DLGAP1: variants seen among roughly 807,000 people sequenced by gnomAD.
DLGAP1 encodes DLG associated protein 1.
A neutral mutation model predicts 90.8 loss-of-function variants in DLGAP1; 11 were observed. The observed-to-expected ratio is 0.12, with a 90% CI of 0.08 to 0.20. The LOEUF is 0.20. DLGAP1 is among the 10% of genes least tolerant of loss of function. The probability of loss-of-function intolerance (pLI) is 1.00; values close to 1 mark genes in which losing one functional copy is unlikely to be tolerated. For synonymous variants in DLGAP1, 558 were observed against 540.7 expected (o/e 1.03, Z -0.44); for missense variants, 1,050 against 1,333.8 (o/e 0.79, Z 3.31).
chr18:3,805,792 A>C (rs2066533801), intron 5 of DLGAP1, among the ~76,000 whole-genome samples: 1 of 152,228 alleles, frequency 6.6e-6, no homozygotes, highest in Non-Finnish European at 1.5e-5. Flanking sequence ...GTCTCAGAGG[A>C]ATATAACTCA....
intron 3 of DLGAP1, among the ~76,000 whole-genome samples, chr18:3,908,140 C>A (rs1233356816): frequency 6.6e-6 from 1 of 152,140 alleles, no homozygotes; most frequent in East Asian, 1.9e-4. Flanking sequence ...TCATTCAGTG[C>A]CAATGTTCTA....
intron 1 of DLGAP1, among the ~76,000 whole-genome samples, chr18:4,209,471 T>G (rs2077795519): frequency 6.6e-6 from 1 of 152,234 alleles, no homozygotes; most frequent in Non-Finnish European, 1.5e-5. Context: ...CTCATTTTAA[T>G]AAGTCTTTCA....
At chr18:4,343,294 A>G (rs1349750910) in intron 1 of DLGAP1, among the ~76,000 whole-genome samples, 7 of 147,414 alleles carry the variant, frequency 4.7e-5, no homozygotes, top group African/African-American at 5.0e-5. Flanking sequence ...GCGACAGAGC[A>G]ACACTCCTTC....
rs886675607 is a variant in DLGAP1 at position 3,526,965 on chromosome 18, T to G, written c.2479+7229A>C. ...GGAAACCTCACTCACTGCAGTTTCA[T>G]TATTTTATTATCAAGCCAAAAAAAA... On this transcript the variant is annotated intron_variant, in intron 10 of 12. Transcript: ENST00000315677. The surrounding 1 kb of genome is among the most constrained non-coding windows in gnomAD (Gnocchi z 4.7). 6.6e-6 allele frequency among the ~76,000 whole-genome samples: 1 copy of G among 152,138 alleles called. No homozygotes were observed. The highest frequency in any genetic ancestry group is 2.4e-5 in the African/African-American group (1 of 41,454).
intron 1 of DLGAP1, among the ~76,000 whole-genome samples, chr18:4,269,320 T>A (rs2079202181): frequency 6.8e-6 from 1 of 147,056 alleles, no homozygotes; most frequent in Non-Finnish European, 1.5e-5. Flanking sequence ...ATATTCATAT[T>A]ATTTTATATA....
chr18:3,527,410 C>CTATTT, intron 10 of DLGAP1, among the ~76,000 whole-genome samples: 1 of 100,684 alleles, frequency 9.9e-6, no homozygotes, highest in Non-Finnish European at 1.9e-5. Context: ...ATTTTCCAAA[C>CTATTT]TTTTTTTTTT....
chr18:4,129,112 A>G (rs1019733002), intron 2 of DLGAP1, among the ~76,000 whole-genome samples: 3 of 152,182 alleles, frequency 2.0e-5, no homozygotes, highest in African/African-American at 7.2e-5. Context: ...TTTACACCTA[A>G]TTATTAAAAT....
intron 7 of DLGAP1, among the ~76,000 whole-genome samples, chr18:3,587,422 A>C (rs1054684026): frequency 2.6e-5 from 4 of 152,270 alleles, no homozygotes; most frequent in Middle Eastern, 3.4e-3. Context: ...TTTCTAGCTA[A>C]AGGATTGTAA....
chr18:4,025,518 G>A (rs1055620548), intron 2 of DLGAP1, among the ~76,000 whole-genome samples: 1 of 152,118 alleles, frequency 6.6e-6, no homozygotes. Context: ...TGAGGCAACA[G>A]TTCTTCAGGG....
intron 1 of DLGAP1, among the ~76,000 whole-genome samples, chr18:4,321,191 G>A (rs2080677444): frequency 6.6e-6 from 1 of 152,160 alleles, no homozygotes; most frequent in Non-Finnish European, 1.5e-5. Flanking sequence ...AATGTTCACT[G>A]TAAATTTATA....
intron 4 of DLGAP1, among the ~76,000 whole-genome samples, chr18:3,849,386 T>G (rs933365226): frequency 1.3e-5 from 2 of 152,034 alleles, no homozygotes; most frequent in Non-Finnish European, 2.9e-5. Flanking sequence ...CTAGCCACCC[T>G]TCTAATAGGA....
intron 1 of DLGAP1, among the ~76,000 whole-genome samples, chr18:4,283,631 T>C (rs986639525): frequency 2.6e-5 from 4 of 152,264 alleles, no homozygotes; most frequent in Admixed American, 6.5e-5. Flanking sequence ...TCCTCATCAA[T>C]AGAGTTTATA....
At chr18:3,677,497 T>A (rs1327862484) in intron 7 of DLGAP1, among the ~76,000 whole-genome samples, 3 of 152,244 alleles carry the variant, frequency 2.0e-5, no homozygotes, top group Non-Finnish European at 4.4e-5. Flanking sequence ...CTGCAGCAGT[T>A]CTGAAGACAT....
intron 1 of DLGAP1, among the ~76,000 whole-genome samples, chr18:4,179,350 G>A (rs970781476): frequency 2.6e-5 from 4 of 151,968 alleles, no homozygotes; most frequent in African/African-American, 4.8e-5. Flanking sequence ...CCCTAATGAT[G>A]CTCATAGGCA....
At chr18:4,039,094 C>T (rs930198649) in intron 2 of DLGAP1, among the ~76,000 whole-genome samples, 2 of 151,782 alleles carry the variant, frequency 1.3e-5, no homozygotes, top group African/African-American at 2.4e-5. Context: ...CCCTCAACCT[C>T]GAAAACAAGA....
At chr18:3,523,650 A>G (rs1040447735) in intron 10 of DLGAP1, among the ~76,000 whole-genome samples, 15 of 152,020 alleles carry the variant, frequency 9.9e-5, no homozygotes, top group African/African-American at 1.7e-4. Flanking sequence ...GATCGAGACC[A>G]TCCTGGCTAA....
chr18:3,534,113 G>T, intron 10 of DLGAP1, 81 bp downstream of exon 10: 2 of 1,457,498 alleles, frequency 1.4e-6, no homozygotes, highest in Non-Finnish European at 1.9e-6. Context: ...GAAGCTGGCA[G>T]AGAAGAAAAC....
intron 1 of DLGAP1, among the ~76,000 whole-genome samples, chr18:4,238,528 C>T (rs1416618403): frequency 1.3e-5 from 2 of 152,056 alleles, no homozygotes; most frequent in African/African-American, 2.4e-5. Flanking sequence ...GTAAATACAC[C>T]GTAGAAGTTT....
At chr18:4,041,074 A>G (rs941929417) in intron 2 of DLGAP1, among the ~76,000 whole-genome samples, 1 of 152,208 alleles carries the variant, frequency 6.6e-6, no homozygotes, top group Non-Finnish European at 1.5e-5. Context: ...GCTAGAACAG[A>G]GAGCAAACGC....
Sources: allele counts gnomAD v4.1 joint callset (sites outside exome capture counted in the v4.1 genomes callset), GRCh38; gene constraint gnomAD v4.1.1; non-coding constraint Gnocchi (gnomAD v3.1); transcripts MANE v1.5; gene names NCBI Gene and HGNC (gene_info 2026-07-23, HGNC 2026-07-21).